The following FOCAD variants were observed in gnomAD, a reference collection of about 807,000 sequenced individuals.
FOCAD encodes KIAA1797.
FOCAD carries 198 observed loss-of-function variants against 225.6 expected under a neutral mutation model. The ratio of observed to expected loss-of-function variants is 0.88; its 90% CI spans 0.78 to 0.99. FOCAD has a LOEUF of 0.99. Ranked by LOEUF, FOCAD falls within the 50% of genes least tolerant of loss-of-function variation. The pLI is 0.00. For missense variants in FOCAD, 2,713 were observed against 2,123.6 expected, an observed-to-expected ratio of 1.28 and a Z score of -5.46; for synonymous variants, 897 against 755.0, an observed-to-expected ratio of 1.19 and a Z score of -3.08.
chr9:20,851,856 A>C (rs754428526), intron 15 of FOCAD, among the ~76,000 whole-genome samples: 23 of 151,794 alleles, frequency 1.5e-4, no homozygotes, highest in Non-Finnish European at 2.5e-4. Flanking sequence ...TTGTAAGTAA[A>C]GTTTTATTGG....
rs1827371904 is a variant in FOCAD, at chr9:20,848,814, TG to T, written c.1921-13763del. Among the ~76,000 whole-genome samples the T allele has an allele frequency of 9.9e-5, 15 of 152,090 alleles. No homozygotes were observed. The South Asian group carries it at 3.1e-3, about 32-fold the overall frequency. The stretch of plus-strand genomic sequence containing the variant: ...ACATCTAATTGAATGAAGACATGGC[TG>T]TACTGTAGTTTATGAATTTCCTGTT... On this transcript the variant is annotated intron_variant, in intron 15 of 43. Transcript: ENST00000338382.
chr9:20,908,982 T>TAA (rs1410851636), intron 22 of FOCAD, among the ~76,000 whole-genome samples: 5 of 152,110 alleles, frequency 3.3e-5, no homozygotes, highest in African/African-American at 1.2e-4. Flanking sequence ...TTTGATGCAT[T>TAA]AATAAAGGAT....
intron 15 of FOCAD, among the ~76,000 whole-genome samples, chr9:20,851,766 A>G (rs1417548153): frequency 2.6e-5 from 4 of 151,862 alleles, no homozygotes; most frequent in Non-Finnish European, 4.4e-5. Context: ...GCTAAGCTGT[A>G]TCCAGTTAAT....
chr9:20,928,490 C>G (rs1167257690), intron 26 of FOCAD, among the ~76,000 whole-genome samples: 1 of 152,116 alleles, frequency 6.6e-6, no homozygotes, highest in African/African-American at 2.4e-5. Context: ...GTGTCTGAAA[C>G]TTTAAATTGG....
At chr9:20,729,038 T>G (rs1391232765) in intron 4 of FOCAD, among the ~76,000 whole-genome samples, 1 of 152,172 alleles carries the variant, frequency 6.6e-6, no homozygotes, top group Non-Finnish European at 1.5e-5. Context: ...TGGAATTTCC[T>G]GGCCACAATT....
chr9:20,734,600 T>C (rs947774202), intron 4 of FOCAD, among the ~76,000 whole-genome samples: 1 of 152,298 alleles, frequency 6.6e-6, no homozygotes, highest in East Asian at 1.9e-4. Flanking sequence ...AGACATGTGT[T>C]TTTTTCTCTT....
At chr9:20,960,225 G>T (rs1264565851) in intron 35 of FOCAD, among the ~76,000 whole-genome samples, 1 of 152,260 alleles carries the variant, frequency 6.6e-6, no homozygotes, top group Non-Finnish European at 1.5e-5. Context: ...TTTAATTTGG[G>T]TTTGCCTGAT....
intron 7 of FOCAD, among the ~76,000 whole-genome samples, chr9:20,765,787 A>G (rs1830005449): frequency 3.3e-5 from 5 of 152,222 alleles, no homozygotes; most frequent in Admixed American, 3.3e-4. Context: ...TGATTCATTT[A>G]TCAGTCCATC....
At chr9:20,943,731 TATC>T (rs2080346124) in intron 28 of FOCAD, among the ~76,000 whole-genome samples, 1 of 152,188 alleles carries the variant, frequency 6.6e-6, no homozygotes, top group Non-Finnish European at 1.5e-5. Context: ...CGGCAGCAGA[TATC>T]ATGATGAGAG....
intron 5 of FOCAD, among the ~76,000 whole-genome samples, chr9:20,748,900 A>G (rs898990964): frequency 6.6e-6 from 1 of 152,134 alleles, no homozygotes; most frequent in Non-Finnish European, 1.5e-5. Flanking sequence ...AACACTTTAT[A>G]TGTTCTTCTA....
intron 21 of FOCAD, among the ~76,000 whole-genome samples, chr9:20,886,329 GT>G (rs1321921661): frequency 1.3e-5 from 2 of 151,950 alleles, no homozygotes; most frequent in East Asian, 3.9e-4. Flanking sequence ...TGATTTCTAT[GT>G]TTTTTTTGTC....
chr9:20,795,521 C>T (rs1038074581), intron 11 of FOCAD, among the ~76,000 whole-genome samples: 3 of 151,344 alleles, frequency 2.0e-5, no homozygotes, highest in African/African-American at 4.9e-5. Context: ...CACGCTGGCT[C>T]ATGCCTGTAA....
At chr9:20,789,964 A>G (rs751871369) in intron 11 of FOCAD, among the ~76,000 whole-genome samples, 8 of 152,226 alleles carry the variant, frequency 5.3e-5, no homozygotes, top group Non-Finnish European at 8.8e-5. Flanking sequence ...TTGATCATTT[A>G]AAGTGGACAC....
chr9:20,766,574 CT>C (rs1191245917), intron 7 of FOCAD, among the ~76,000 whole-genome samples: 1 of 151,952 alleles, frequency 6.6e-6, no homozygotes, highest in Admixed American at 6.6e-5. Context: ...ATGAAATAAG[CT>C]TTTAAAAAAA....
chr9:20,662,942 A>G (rs1213246969), intron 2 of FOCAD, among the ~76,000 whole-genome samples: 1 of 152,240 alleles, frequency 6.6e-6, no homozygotes, highest in East Asian at 1.9e-4. Flanking sequence ...ATTTGTATCC[A>G]GTTGTCTTGA....
chr9:20,720,395 T>C lies in FOCAD; in HGVS notation c.148T>C (p.Leu50=). The change falls in exon 4 of 44, where the codon TTG becomes CTG. Residue 50 remains leucine, a synonymous_variant. Transcript: ENST00000338382. ...TTGGTTTCAGACTCCTGCTTTGAACTTGCTGTGGGAGAAGTGTTGCAGTGA... is the reference window on the plus strand; with the variant it reads ...TTGGTTTCAGACTCCTGCTTTGAACCTGCTGTGGGAGAAGTGTTGCAGTGA... ...QSTNQTPALN[L]LWEKCCSDNV... is the part of the protein sequence containing the mutation. 6.2e-7 allele frequency: 1 copy of C among 1,614,010 alleles called. No individual in the cohort carries two copies. Among genetic ancestry groups the C allele is most frequent in the South Asian group, 1.1e-5 (1 of 91,048 alleles).
At chr9:20,904,316 TTTC>T (rs1832780104) in intron 21 of FOCAD, among the ~76,000 whole-genome samples, 1 of 151,986 alleles carries the variant, frequency 6.6e-6, no homozygotes. Flanking sequence ...TATGTTTAGC[TTTC>T]TGAGGAACCA....
At chr9:20,692,555 AC>A (rs1343513801) in intron 1 of FOCAD, among the ~76,000 whole-genome samples, 1 of 152,134 alleles carries the variant, frequency 6.6e-6, no homozygotes, top group Non-Finnish European at 1.5e-5. Flanking sequence ...CTTAGGTTGG[AC>A]TTGGGGTAGA....
At chr9:20,968,091 T>C (rs1429774863) in intron 35 of FOCAD, among the ~76,000 whole-genome samples, 4 of 152,156 alleles carry the variant, frequency 2.6e-5, no homozygotes, top group Non-Finnish European at 5.9e-5. Context: ...TCTTGAACTT[T>C]TCTTTGTTGG....
Sources: allele counts gnomAD v4.1 joint callset (sites outside exome capture counted in the v4.1 genomes callset), GRCh38; gene constraint gnomAD v4.1.1; transcripts MANE v1.5; gene names NCBI Gene and HGNC (gene_info 2026-07-23, HGNC 2026-07-21).